Variants in CCL28 observed in about 807,000 individuals in gnomAD.
CCL28 encodes C-C motif chemokine 28.
Under a neutral mutation model 7.1 loss-of-function variants are expected in CCL28, and 4 were observed. The observed-to-expected ratio is 0.56, with a 90% confidence interval of 0.28 to 1.29. The LOEUF (loss-of-function observed/expected upper bound fraction) is 1.29, where lower values mean the gene tolerates loss of function less well. Among genes scored for constraint, CCL28 ranks in the 50% most tolerant of loss-of-function variants. CCL28 has a pLI of 0.11. For synonymous variants in CCL28, 55 were observed against 57.8 expected (o/e 0.95, Z 0.22); for missense variants, 151 against 163.4 (o/e 0.92, Z 0.41).
chr5:43,394,098 C>T (rs1363435043), intron 1 of CCL28, among the ~76,000 whole-genome samples: 1 of 152,190 alleles, frequency 6.6e-6, no homozygotes, highest in East Asian at 1.9e-4. Context: ...ACCACCCCAT[C>T]TCACTGATAT....
downstream of CCL28, among the ~76,000 whole-genome samples, chr5:43,372,195 T>C (rs1475451808): frequency 6.6e-6 from 1 of 152,154 alleles, no homozygotes; most frequent in Non-Finnish European, 1.5e-5. Context: ...ATATGAGTTT[T>C]GGGGGGCAAA....
chr5:43,399,518 G>T (rs917201425), intron 1 of CCL28, among the ~76,000 whole-genome samples: 3 of 152,178 alleles, frequency 2.0e-5, no homozygotes, highest in Admixed American at 6.5e-5. Flanking sequence ...ATAGCACATT[G>T]TCTGGTATTA....
chr5:43,364,303 A>ATGTGTGTGTGTGTGTG, the CCL28 span, among the ~76,000 whole-genome samples: 4 of 151,570 alleles, frequency 2.6e-5, no homozygotes, highest in Non-Finnish European at 5.9e-5. Context: ...GCAAAACTAT[A>ATGTGTGTGTGTGTGTG]TATGTGTGTG....
chr5:43,403,611 C>T (rs927270285), intron 1 of CCL28, among the ~76,000 whole-genome samples: 1 of 152,204 alleles, frequency 6.6e-6, no homozygotes, highest in African/African-American at 2.4e-5. Flanking sequence ...GCCTTTCCTC[C>T]TCCAAAGGAA....
Position 43,381,835 on chromosome 5 carries a change from C to T in CCL28, c.*25G>A. On this transcript the variant is annotated 3_prime_UTR_variant, in exon 3 of 3. Transcript: ENST00000361115. The stretch of plus-strand genomic sequence containing the variant: ...TGGCCAAGTCCACTTGAGGAATTGT[C>T]TCTGTAGATTTATCTGTAGACTCTC... 1 of 1,570,478 alleles carries T rather than the reference C, an allele frequency of 6.4e-7. No homozygotes were observed. Among genetic ancestry groups the T allele is most frequent in the Non-Finnish European group, 8.7e-7 (1 of 1,150,328 alleles).
chr5:43,373,873 T>A (rs1739835460), downstream of CCL28, among the ~76,000 whole-genome samples: 1 of 152,196 alleles, frequency 6.6e-6, no homozygotes, highest in Non-Finnish European at 1.5e-5. Context: ...CACTGATGCA[T>A]ATAATTATGG....
At chr5:43,393,033 T>C (rs1470882581) in intron 1 of CCL28, among the ~76,000 whole-genome samples, 1 of 152,184 alleles carries the variant, frequency 6.6e-6, no homozygotes, top group Non-Finnish European at 1.5e-5. Flanking sequence ...TTTTTACCCC[T>C]GTAATTTATT....
At chr5:43,389,165 G>T (rs1740464127) in intron 1 of CCL28, among the ~76,000 whole-genome samples, 1 of 152,204 alleles carries the variant, frequency 6.6e-6, no homozygotes, top group Admixed American at 6.5e-5. Context: ...GAGTGACTGT[G>T]AACAGGTACA....
intron 1 of CCL28, among the ~76,000 whole-genome samples, chr5:43,397,543 C>G (rs930681279): frequency 2.0e-5 from 3 of 151,884 alleles, no homozygotes; most frequent in African/African-American, 7.3e-5. Flanking sequence ...TTTAAGGGAC[C>G]GCCAAAAGAA....
intron 1 of CCL28, 75 bp from the exon 2 acceptor site, chr5:43,388,551 T>C (rs1740436488): frequency 6.9e-7 from 1 of 1,448,618 alleles, no homozygotes; most frequent in Non-Finnish European, 9.4e-7. Context: ...TTTTAAAGAT[T>C]TCAGAGAAAC....
chr5:43,362,730 A>AT, the CCL28 span, among the ~76,000 whole-genome samples: 1 of 152,204 alleles, frequency 6.6e-6, no homozygotes, highest in South Asian at 2.1e-4. Flanking sequence ...AATTGGCCTG[A>AT]TTTTAACATT....
chr5:43,381,994 A>T lies in CCL28; in HGVS notation c.250T>A (p.Trp84Arg). The T allele has an allele frequency of 6.2e-7, 1 of 1,614,130 alleles. No individual in the cohort carries two copies. The highest frequency in any genetic ancestry group is 8.5e-7 in the Non-Finnish European group (1 of 1,180,030). ...TTCTTGGCAGCTTGCACTTTCATCC[A>T]CTGCTTAACAGTATGGTTGTGCGGG... ...VSPHNHTVKQ[W>R]MKVQAAKKNG... Residue 84 changes from tryptophan (W) to arginine (R), a missense_variant, in exon 3 of 3, where the codon TGG (tryptophan) becomes AGG (arginine). Coordinates refer to ENST00000361115, the MANE Select transcript of CCL28 (RefSeq NM_148672.3).
the CCL28 span, among the ~76,000 whole-genome samples, chr5:43,359,034 G>C: frequency 2.5e-4 from 38 of 152,134 alleles, no homozygotes; most frequent in Non-Finnish European, 1.5e-5. Context: ...CTTGTTCAGG[G>C]ACTGAAACCA....
intron 1 of CCL28, among the ~76,000 whole-genome samples, chr5:43,404,561 A>G: frequency 6.6e-6 from 1 of 152,220 alleles, no homozygotes; most frequent in East Asian, 1.9e-4. Context: ...AACATGCCAA[A>G]TTGTAAAGAC....
chr5:43,391,562 A>G (rs1740574058), intron 1 of CCL28, among the ~76,000 whole-genome samples: 1 of 152,232 alleles, frequency 6.6e-6, no homozygotes, highest in Non-Finnish European at 1.5e-5. Context: ...AACTACCAAG[A>G]ATAATAAAAA....
chr5:43,378,705 G>A (rs1025477961), downstream of CCL28, among the ~76,000 whole-genome samples: 2 of 152,216 alleles, frequency 1.3e-5, no homozygotes, highest in Non-Finnish European at 2.9e-5. Flanking sequence ...GCTCACGCCT[G>A]TTATCCCAGT....
the CCL28 span, among the ~76,000 whole-genome samples, chr5:43,368,461 G>A: frequency 1.1e-4 from 17 of 152,268 alleles, no homozygotes; most frequent in Non-Finnish European, 1.8e-4. Context: ...GCTGGCCAAT[G>A]GAATATGAGG....
At chr5:43,382,117 C>T (rs1052598308) in intron 2 of CCL28, 65 bp from the exon 3 acceptor site, 27 of 1,433,964 alleles carry the variant, frequency 1.9e-5, no homozygotes, top group Non-Finnish European at 2.4e-5. Context: ...CACTTAGTGA[C>T]TTACATGCAG....
intron 1 of CCL28, among the ~76,000 whole-genome samples, chr5:43,411,607 A>T (rs1229632374): frequency 6.6e-6 from 1 of 151,876 alleles, no homozygotes; most frequent in Non-Finnish European, 1.5e-5. Context: ...GGCAATTCAG[A>T]GTGCAGTGGC....
Sources: allele counts gnomAD v4.1 joint callset (sites outside exome capture counted in the v4.1 genomes callset), GRCh38; gene constraint gnomAD v4.1.1; transcripts MANE v1.5; gene names NCBI Gene and HGNC (gene_info 2026-07-23, HGNC 2026-07-21).